Variants in SAMD5 observed in about 807,000 individuals in gnomAD.
SAMD5 encodes sterile alpha motif domain-containing protein 5.
Under a neutral mutation model 11.3 loss-of-function variants are expected in SAMD5, and 13 were observed. That is an observed-to-expected ratio of 1.15 (90% confidence interval 0.75 to 1.83). The LOEUF (loss-of-function observed/expected upper bound fraction) is 1.83, where lower values mean the gene tolerates loss of function less well. Ranked by LOEUF, SAMD5 falls within the 40% of genes most tolerant of loss-of-function variation. The pLI is 0.00. For synonymous variants in SAMD5, 129 were observed against 111.3 expected, an observed-to-expected ratio of 1.16 and a Z score of -1.00; for missense variants, 255 against 239.1, an observed-to-expected ratio of 1.07 and a Z score of -0.44.
At chr6:147,761,248 C>A in the SAMD5 span, among the ~76,000 whole-genome samples, 1 of 152,046 alleles carries the variant, frequency 6.6e-6, no homozygotes, top group Non-Finnish European at 1.5e-5. Context: ...ATAATATATA[C>A]CCTACAAGGC....
chr6:147,564,434 C>T lies in SAMD5; in HGVS notation c.500C>T (p.Pro167Leu), dbSNP rs141465133. 1.1e-3 allele frequency: 887 copies of T among 781,312 alleles called. 3 individuals carry two copies. Among genetic ancestry groups the T allele is most frequent in the Non-Finnish European group, 5.4e-4 (224 of 418,546 alleles). 48.4% of individuals were successfully genotyped at this position (781,312 alleles called of 1,614,324 possible). The part of the protein sequence containing the change: ...AGILEYLMNW[P>L]KSSQSR ...ATCCTAGAGTACTTAATGAATTGGC[C>T]GAAGTCATCACAGAGCCGCTAGATA... The change falls in exon 2 of 2, where the codon CCG becomes CTG. Residue 167 changes from proline to leucine, a missense_variant. Pro to Leu is a moderately conservative substitution (Grantham distance 98). Transcript: ENST00000367474.
chr6:147,792,143 A>T, the SAMD5 span, among the ~76,000 whole-genome samples: 1 of 152,198 alleles, frequency 6.6e-6, no homozygotes, highest in Admixed American at 6.6e-5. Flanking sequence ...AAATTTATGA[A>T]ACAACGTTAC....
the SAMD5 span, among the ~76,000 whole-genome samples, chr6:147,794,107 C>G: frequency 6.6e-6 from 1 of 152,140 alleles, no homozygotes; most frequent in Non-Finnish European, 1.5e-5. Context: ...AAAAATGCAT[C>G]TGTCTTCCCA....
In SAMD5 at chr6:147,568,676, G is replaced by T. The variant is rs576094967; in HGVS notation, c.*4220G>T. 1.3e-5 allele frequency: 13 copies of T among 985,372 alleles called. No homozygotes were observed. The East Asian group carries it at 1.2e-3, about 95-fold the overall frequency. 61.0% of individuals were successfully genotyped at this position (985,372 alleles called of 1,614,324 possible). ...TAAATCAAATGAGTTGTGCAGAGCA[G>T]AGCAAATCTATTAGGCTTTCTCTTT... On this transcript the variant is annotated 3_prime_UTR_variant, in exon 2 of 2. Coordinates refer to ENST00000367474, the MANE Select transcript of SAMD5 (RefSeq NM_001030060.3).
chr6:147,764,092 G>T, the SAMD5 span, among the ~76,000 whole-genome samples: 1 of 152,166 alleles, frequency 6.6e-6, no homozygotes, highest in Admixed American at 6.6e-5. Flanking sequence ...AAAATGTGGG[G>T]GAAGAAAAGT....
intron 1 of SAMD5, among the ~76,000 whole-genome samples, chr6:147,619,598 A>G (rs566734682): frequency 3.3e-5 from 5 of 152,350 alleles, no homozygotes; most frequent in African/African-American, 9.6e-5. Flanking sequence ...AAGAAGGAAA[A>G]TTGTGCTATT....
At chr6:147,762,538 C>T in the SAMD5 span, among the ~76,000 whole-genome samples, 1 of 152,124 alleles carries the variant, frequency 6.6e-6, no homozygotes, top group Non-Finnish European at 1.5e-5. Context: ...GTCATGTCTT[C>T]TTTAATATGA....
chr6:147,861,969 A>G, the SAMD5 span, among the ~76,000 whole-genome samples: 1 of 152,134 alleles, frequency 6.6e-6, no homozygotes, highest in East Asian at 1.9e-4. Flanking sequence ...GATGGACATG[A>G]CAGCTCAGAA....
the SAMD5 span, among the ~76,000 whole-genome samples, chr6:147,884,959 AG>A: frequency 6.6e-6 from 1 of 152,246 alleles, no homozygotes; most frequent in Non-Finnish European, 1.5e-5. Flanking sequence ...TATCTCAGAC[AG>A]TGTAGCTTCC....
the SAMD5 span, among the ~76,000 whole-genome samples, chr6:147,749,323 C>G: frequency 3.3e-5 from 5 of 152,032 alleles, no homozygotes; most frequent in Admixed American, 1.3e-4. Context: ...GTGCCCACCA[C>G]TATGCCTGGC....
rs992547129 is a variant in SAMD5, at chr6:147,527,051, C to T, written c.459+17664C>T. Among the ~76,000 whole-genome samples the T allele has an allele frequency of 8.5e-5, 13 of 152,282 alleles. No homozygotes were observed. The East Asian group carries it at 1.5e-3, about 18-fold the overall frequency. ...CCATAGTCACCCCTTTTACTGTATC[C>T]CACCTTATCCTCCAGCTTTGAAGCT... On this transcript the variant is annotated intron_variant, in intron 1 of 1. Transcript: ENST00000367474.
At chr6:147,610,307 A>C (rs1006913583) in intron 1 of SAMD5, among the ~76,000 whole-genome samples, 1 of 152,186 alleles carries the variant, frequency 6.6e-6, no homozygotes, top group African/African-American at 2.4e-5. Context: ...TGATGTAAAA[A>C]ATAGGAGGAA....
chr6:147,819,529 A>G, the SAMD5 span, among the ~76,000 whole-genome samples: 1 of 152,250 alleles, frequency 6.6e-6, no homozygotes, highest in Admixed American at 6.5e-5. Context: ...TCACTGCAAG[A>G]AATATAGACA....
chr6:147,864,475 G>A, the SAMD5 span, among the ~76,000 whole-genome samples: 8 of 152,320 alleles, frequency 5.3e-5, no homozygotes, highest in South Asian at 1.7e-3. Flanking sequence ...TAACATCCCA[G>A]AAAGGTGTTA....
At chr6:147,872,023 C>A in the SAMD5 span, among the ~76,000 whole-genome samples, 1 of 152,172 alleles carries the variant, frequency 6.6e-6, no homozygotes, top group Admixed American at 6.5e-5. Flanking sequence ...GTCTTACCTA[C>A]TGAGAAGAAT....
the SAMD5 span, among the ~76,000 whole-genome samples, chr6:147,818,762 A>G: frequency 3.9e-5 from 6 of 152,328 alleles, no homozygotes; most frequent in African/African-American, 1.2e-4. Flanking sequence ...TGGTGAAGTT[A>G]GGAAATAGTG....
chr6:147,530,852 A>G (rs1367721337), intron 1 of SAMD5, among the ~76,000 whole-genome samples: 2 of 152,188 alleles, frequency 1.3e-5, no homozygotes, highest in Non-Finnish European at 2.9e-5. Flanking sequence ...TGCTGTTTCT[A>G]CTGTTTGATG....
chr6:147,878,597 ATATATATCTATATAGATATATATG>A, the SAMD5 span, among the ~76,000 whole-genome samples: 1 of 144,922 alleles, frequency 6.9e-6, no homozygotes, highest in Non-Finnish European at 1.5e-5. Flanking sequence ...ATATATATAC[ATATATATCTATATAGATATATATG>A]TATATATATC....
intron 1 of SAMD5, among the ~76,000 whole-genome samples, chr6:147,681,463 T>C (rs1315617162): frequency 2.6e-5 from 4 of 152,148 alleles, no homozygotes; most frequent in Admixed American, 2.6e-4. Context: ...TCAAATATAG[T>C]TATAGTAACT....
Sources: gnomAD v4.1 joint callset for allele counts (sites outside exome capture counted in the v4.1 genomes callset) on GRCh38, gnomAD v4.1.1 for gene constraint, MANE v1.5 for transcripts, NCBI Gene and HGNC (gene_info 2026-07-23, HGNC 2026-07-21) for gene names.